The following DLGAP2 variants were observed in gnomAD, a reference collection of about 807,000 sequenced individuals.
DLGAP2 encodes disks large-associated protein 2.
DLGAP2 carries 26 observed loss-of-function variants against 100.3 expected under a neutral mutation model. That is an observed-to-expected ratio of 0.26 (90% CI 0.19 to 0.36). DLGAP2 has a LOEUF of 0.36. DLGAP2 is among the 10% of genes least tolerant of loss of function. DLGAP2 has a pLI of 1.00. For missense variants in DLGAP2, 1,858 were observed against 1,453.2 expected, an observed-to-expected ratio of 1.28 and a Z score of -4.53; for synonymous variants, 886 against 630.1, an observed-to-expected ratio of 1.41 and a Z score of -6.08.
At chr8:1,194,472 C>T (rs1797707981) in intron 2 of DLGAP2, among the ~76,000 whole-genome samples, 1 of 152,134 alleles carries the variant, frequency 6.6e-6, no homozygotes, top group African/African-American at 2.4e-5. Context: ...GCAGAGCTTC[C>T]CTCAGTCCCA....
intron 2 of DLGAP2, among the ~76,000 whole-genome samples, chr8:1,064,010 G>C (rs1213767446): frequency 6.6e-6 from 1 of 152,192 alleles, no homozygotes; most frequent in East Asian, 1.9e-4. Context: ...AGGATGACAT[G>C]GTTCTCCAGA....
chr8:1,008,678 G>A lies in DLGAP2; in HGVS notation c.73+100712G>A, dbSNP rs573022063. ...TAATTAAGCTGGAGAACAGCTGTCC[G>A]CCTCTGCAGGAGGACTGGTACTCAC... On this transcript the variant is annotated intron_variant, in intron 2 of 14. Coordinates refer to ENST00000637795, the MANE Select transcript of DLGAP2 (RefSeq NM_001346810.2). Among the ~76,000 whole-genome samples the A allele has an allele frequency of 7.9e-5, 12 of 152,300 alleles. No individual in the cohort carries two copies. The South Asian group carries it at 1.2e-3, about 16-fold the overall frequency.
intron 3 of DLGAP2, among the ~76,000 whole-genome samples, chr8:1,334,779 A>G (rs183254034): frequency 2.6e-5 from 4 of 152,262 alleles, no homozygotes; most frequent in African/African-American, 4.8e-5. Flanking sequence ...ATAATGTAAC[A>G]TGGTAAATAC....
intron 1 of DLGAP2, among the ~76,000 whole-genome samples, chr8:899,995 A>G (rs1348587884): frequency 2.0e-5 from 3 of 152,386 alleles, no homozygotes; most frequent in East Asian, 3.9e-4. Context: ...AGGATGGGTG[A>G]CCGAAGAGAA....
intron 2 of DLGAP2, among the ~76,000 whole-genome samples, chr8:1,071,433 G>T (rs926744013): frequency 6.6e-6 from 1 of 152,180 alleles, no homozygotes; most frequent in South Asian, 2.1e-4. Flanking sequence ...GGGTGGGGCT[G>T]TGCTAGCCTA....
At chr8:1,078,216 A>G (rs1010134644) in intron 2 of DLGAP2, among the ~76,000 whole-genome samples, 1 of 152,214 alleles carries the variant, frequency 6.6e-6, no homozygotes, top group African/African-American at 2.4e-5. Flanking sequence ...TAACAATGGA[A>G]AGAACAGTGG....
chr8:1,356,636 A>C (rs563040958), intron 3 of DLGAP2, among the ~76,000 whole-genome samples: 2 of 152,312 alleles, frequency 1.3e-5, no homozygotes, highest in East Asian at 1.9e-4. Context: ...GAAAACAGAC[A>C]GTGGGATATG....
intron 2 of DLGAP2, among the ~76,000 whole-genome samples, chr8:974,532 A>G (rs1488215509): frequency 1.3e-5 from 2 of 152,202 alleles, no homozygotes; most frequent in Admixed American, 6.5e-5. Flanking sequence ...AAAAGACTAG[A>G]AGTAACACAA....
intron 2 of DLGAP2, among the ~76,000 whole-genome samples, chr8:1,062,637 T>A (rs1803120784): frequency 6.6e-6 from 1 of 152,180 alleles, no homozygotes; most frequent in African/African-American, 2.4e-5. Context: ...GCAGCATGTT[T>A]TTCCCTTGCC....
intron 3 of DLGAP2, among the ~76,000 whole-genome samples, chr8:1,326,222 GT>G (rs1395825595): frequency 6.6e-6 from 1 of 152,140 alleles, no homozygotes; most frequent in African/African-American, 2.4e-5. Context: ...TGTGACAGCA[GT>G]TTTAAATAAA....
intron 2 of DLGAP2, among the ~76,000 whole-genome samples, chr8:1,198,730 G>A (rs147625526): frequency 3.9e-5 from 6 of 152,240 alleles, no homozygotes; most frequent in African/African-American, 2.4e-5. Context: ...GTGCCTGGGT[G>A]TGCGGGAAGG....
chr8:1,258,967 T>G, intron 3 of DLGAP2, 84 bp downstream of exon 3: 2 of 1,130,830 alleles, frequency 1.8e-6, no homozygotes, highest in Non-Finnish European at 2.2e-6. Context: ...CCATGAAACG[T>G]GTTGGAGAGA....
intron 2 of DLGAP2, among the ~76,000 whole-genome samples, chr8:1,167,610 T>G (rs527918804): frequency 6.6e-6 from 1 of 152,342 alleles, no homozygotes; most frequent in East Asian, 1.9e-4. Flanking sequence ...TAAAATTATA[T>G]TGCACATAAT....
chr8:1,203,220 C>T (rs1234752270), intron 2 of DLGAP2, among the ~76,000 whole-genome samples: 1 of 152,188 alleles, frequency 6.6e-6, no homozygotes, highest in Non-Finnish European at 1.5e-5. Flanking sequence ...GTGTGTCCTG[C>T]AGCACCCACC....
chr8:1,292,811 C>T (rs1800090338), intron 3 of DLGAP2, among the ~76,000 whole-genome samples: 1 of 152,048 alleles, frequency 6.6e-6, no homozygotes, highest in East Asian at 2.0e-4. Flanking sequence ...AACGCCTTCC[C>T]AAGGTCTTTC....
chr8:1,520,939 C>A (rs1800574500), intron 4 of DLGAP2, among the ~76,000 whole-genome samples: 2 of 152,184 alleles, frequency 1.3e-5, no homozygotes, highest in South Asian at 4.1e-4. Context: ...AAACTGTCTT[C>A]CAAAGTGGCT....
At chr8:783,034 T>TA (rs1821741653) in intron 1 of DLGAP2, among the ~76,000 whole-genome samples, 2 of 152,214 alleles carry the variant, frequency 1.3e-5, no homozygotes, top group Admixed American at 1.3e-4. Flanking sequence ...CATGATAACA[T>TA]AAAGCTGATG....
intron 3 of DLGAP2, among the ~76,000 whole-genome samples, chr8:1,459,323 C>T (rs11136396): frequency 0.035 from 3,857 of 109,274 alleles, 64 homozygotes; most frequent in African/African-American, 0.086. Flanking sequence ...ACAGGAGTGA[C>T]AGCCAGCTGG....
At chr8:1,369,505 G>C (rs1439739677) in intron 3 of DLGAP2, 2 of 152,176 alleles carry the variant, frequency 1.3e-5, no homozygotes, top group Non-Finnish European at 2.9e-5. Flanking sequence ...CTCACAGTTG[G>C]TTTTGCACCA....
Sources: allele counts gnomAD v4.1 joint callset (sites outside exome capture counted in the v4.1 genomes callset), GRCh38; gene constraint gnomAD v4.1.1; transcripts MANE v1.5; gene names NCBI Gene and HGNC (gene_info 2026-07-23, HGNC 2026-07-21).